The following REXO5 variants were observed in gnomAD, a reference collection of about 807,000 sequenced individuals.
REXO5 encodes the protein exonuclease NEF-sp.
Under a neutral mutation model 88.5 loss-of-function variants are expected in REXO5, and 48 were observed. The observed-to-expected ratio is 0.54, with a 90% CI of 0.43 to 0.69. The LOEUF (loss-of-function observed/expected upper bound fraction) is 0.69. Among genes scored for constraint, REXO5 ranks in the 30% least tolerant of loss-of-function variants. The pLI, the probability that REXO5 is intolerant of heterozygous loss-of-function variation, is 0.00. For missense variants in REXO5, 749 were observed against 912.2 expected (o/e 0.82, Z 2.30); for synonymous variants, 311 against 336.5 (o/e 0.92, Z 0.83).
chr16:20,827,007 G>A (rs750004179), intron 8 of REXO5, 51 bp from the exon 9 acceptor site: 35 of 1,577,132 alleles, frequency 2.2e-5, no homozygotes, highest in Non-Finnish European at 2.7e-5. Flanking sequence ...TTTCCAGAGA[G>A]GAAAACTTGT....
At position 20,840,386 on chromosome 16, in the gene REXO5, A is replaced by C. The variant is rs1438310885; in HGVS notation, c.1544A>C (p.Asn515Thr). ...STVYAGPFSKNCNLRALKRLF... is the reference protein window; with the variant it reads ...STVYAGPFSKTCNLRALKRLF... ...GTCTATGCTGGGCCATTTAGCAAAAATTGCAATCTCAGGGCTCTGAAGAGG... is the reference window on the plus strand; with the variant it reads ...GTCTATGCTGGGCCATTTAGCAAAACTTGCAATCTCAGGGCTCTGAAGAGG... The change falls in exon 15 of 20, where the codon AAT becomes ACT. Residue 515 changes from asparagine to threonine, a missense_variant. Asn to Thr is a moderately conservative substitution (Grantham distance 65). Transcript: ENST00000261377. 2.0e-5 allele frequency: 32 copies of C among 1,588,106 alleles called. No homozygotes were observed. The highest frequency in any genetic ancestry group is 2.7e-5 in the Non-Finnish European group (31 of 1,160,868).
chr16:20,839,793 C>T lies in REXO5; in HGVS notation c.1422C>T (p.Pro474=). 1.2e-6 allele frequency: 2 copies of T among 1,613,952 alleles called. No individual in the cohort carries two copies. The highest frequency in any genetic ancestry group is 2.2e-5 in the South Asian group (2 of 91,056). Residue 474 remains proline (P), a synonymous_variant, in exon 14 of 20, where the codon CCC becomes CCT. Coordinates refer to ENST00000261377, the MANE Select transcript of REXO5 (RefSeq NM_030941.3). ...CCAGAGTGGAAATCCCCCTGTTTCCCTTCAGCATTGTTCAGTTCTCTTTTA... is the reference window on the plus strand; with the variant it reads ...CCAGAGTGGAAATCCCCCTGTTTCCTTTCAGCATTGTTCAGTTCTCTTTTA... ...EQARVEIPLF[P]FSIVQFSFKA...
chr16:20,827,029 C>G (rs1178165508), intron 8 of REXO5, 29 bp from the exon 9 acceptor site: 3 of 1,612,082 alleles, frequency 1.9e-6, no homozygotes, highest in Non-Finnish European at 2.5e-6. Flanking sequence ...AATATCCTAG[C>G]CTGTCCATTT....
chr16:20,810,749 A>G (rs539890403), intron 2 of REXO5, among the ~76,000 whole-genome samples: 1 of 152,082 alleles, frequency 6.6e-6, no homozygotes, highest in Non-Finnish European at 1.5e-5. Flanking sequence ...GACACCCAAC[A>G]TCTTCAGTAT....
chr16:20,812,050 T>C (rs1175989719), intron 2 of REXO5, among the ~76,000 whole-genome samples: 1 of 152,230 alleles, frequency 6.6e-6, no homozygotes, highest in Admixed American at 6.5e-5. Context: ...ACCGCTATGC[T>C]CTGCTGCCTC....
intron 7 of REXO5, among the ~76,000 whole-genome samples, chr16:20,825,222 T>C (rs1020819472): frequency 6.6e-6 from 1 of 152,208 alleles, no homozygotes; most frequent in African/African-American, 2.4e-5. Context: ...TATCTAATTG[T>C]AGTAAGCCTC....
At chr16:20,807,539 C>T (rs139792539) in intron 2 of REXO5, among the ~76,000 whole-genome samples, 2 of 148,200 alleles carry the variant, frequency 1.3e-5, no homozygotes, top group African/African-American at 5.0e-5. Flanking sequence ...GCCAAGACCA[C>T]GCCATTACAC....
In REXO5 at chr16:20,844,708, G is replaced by A. The variant is rs200845377; in HGVS notation, c.1799G>A (p.Gly600Asp). 2 of 1,614,190 alleles carry A rather than the reference G, an allele frequency of 1.2e-6. No individual in the cohort carries two copies. Among genetic ancestry groups the A allele is most frequent in the Non-Finnish European group, 8.5e-7 (1 of 1,180,022 alleles). Residue 600 changes from glycine (G) to aspartate (D), a missense_variant, in exon 17 of 20, where the codon GGC becomes GAC. Transcript: ENST00000261377. The stretch of plus-strand genomic sequence containing the variant: ...CTGGAAGGAGATTCTGAAAACCAAG[G>A]CTCTATATATCTGTCTGGAGTGAGT... The part of the protein sequence containing the change: ...NELEGDSENQ[G>D]SIYLSGVSET...
At chr16:20,814,303 C>T (rs1396058278) in intron 3 of REXO5, among the ~76,000 whole-genome samples, 1 of 152,166 alleles carries the variant, frequency 6.6e-6, no homozygotes, top group Non-Finnish European at 1.5e-5. Context: ...GTGGCACGAT[C>T]TCCGCTCAAT....
At chr16:20,808,138 A>G (rs117967972) in intron 2 of REXO5, among the ~76,000 whole-genome samples, 165 of 152,098 alleles carry the variant, frequency 1.1e-3, no homozygotes, top group Non-Finnish European at 1.8e-3. Context: ...CACTTGAATC[A>G]CCCCGAAACC....
chr16:20,815,994 A>T, intron 4 of REXO5, 122 bp from the exon 5 acceptor site: 1 of 738,906 alleles, frequency 1.4e-6, no homozygotes, highest in Non-Finnish European at 2.2e-6. Context: ...TTCTTATTTT[A>T]AAATGCTAAC....
intron 8 of REXO5, 38 bp downstream of exon 8, chr16:20,825,986 T>C (rs779459538): frequency 1.5e-6 from 2 of 1,342,188 alleles, no homozygotes; most frequent in Non-Finnish European, 2.1e-6. Context: ...CTAAGAGCTA[T>C]CGGGCTAGAA....
rs2080880286 is a variant in REXO5, at chr16:20,806,588, C to T, written c.-120C>T. Reference sequence around the variant, plus strand: ...TGCTCCCCGCCCGTCTTCTCTTCTGCGTTTCCCGGGCTAGGGGGCGTGGGG... The same window carrying T: ...TGCTCCCCGCCCGTCTTCTCTTCTGTGTTTCCCGGGCTAGGGGGCGTGGGG... On this transcript the variant is annotated 5_prime_UTR_variant, in exon 1 of 20. Coordinates refer to ENST00000261377, the MANE Select transcript of REXO5 (RefSeq NM_030941.3). The T allele has an allele frequency of 3.4e-6, 5 of 1,450,364 alleles. No individual in the cohort carries two copies. Among genetic ancestry groups the T allele is most frequent in the South Asian group, 1.4e-5 (1 of 72,388 alleles). 89.8% of individuals were successfully genotyped at this position (1,450,364 alleles called of 1,614,324 possible). A position where few individuals can be genotyped will look rare whatever the true frequency, so the allele number is the denominator to read the frequency against.
At chr16:20,846,084 C>T in intron 18 of REXO5, 137 bp from the exon 19 acceptor site, 1 of 709,500 alleles carries the variant, frequency 1.4e-6, no homozygotes, top group Admixed American at 2.1e-5. Context: ...GTGTGGGCTC[C>T]AGTGTTAGAA....
At chr16:20,816,624 A>G (rs975534813) in intron 5 of REXO5, among the ~76,000 whole-genome samples, 1 of 152,182 alleles carries the variant, frequency 6.6e-6, no homozygotes, top group African/African-American at 2.4e-5. Context: ...TATAGGCATG[A>G]GCCACCATAC....
intron 5 of REXO5, among the ~76,000 whole-genome samples, chr16:20,821,283 GT>G (rs71682250): frequency 0.19 from 29,479 of 151,396 alleles, 3,308 homozygotes; most frequent in African/African-American, 0.31. Context: ...TTTTCTCTGT[GT>G]TTTTTTTGTT....
intron 13 of REXO5, among the ~76,000 whole-genome samples, chr16:20,835,504 G>A (rs956631903): frequency 2.0e-5 from 3 of 152,036 alleles, no homozygotes; most frequent in African/African-American, 7.2e-5. Flanking sequence ...ACCTCGCATA[G>A]TTTACTTACA....
At chr16:20,814,222 T>C (rs1567383239) in intron 3 of REXO5, among the ~76,000 whole-genome samples, 1 of 151,234 alleles carries the variant, frequency 6.6e-6, no homozygotes, top group Non-Finnish European at 1.5e-5. Flanking sequence ...TTTACAAAAA[T>C]GGGTGGAGCA....
chr16:20,848,271 G>A (rs901116148), intron 19 of REXO5, among the ~76,000 whole-genome samples: 27 of 152,062 alleles, frequency 1.8e-4, no homozygotes, highest in African/African-American at 6.3e-4. Context: ...AAAAACAATA[G>A]AAGGTTTCCT....
Sources: allele counts gnomAD v4.1 joint callset (sites outside exome capture counted in the v4.1 genomes callset), GRCh38; gene constraint gnomAD v4.1.1; transcripts MANE v1.5; gene names NCBI Gene and HGNC (gene_info 2026-07-23, HGNC 2026-07-21).